ZNF469: variants seen among roughly 807,000 people sequenced by gnomAD.
The protein encoded by ZNF469 is zinc finger protein 469.
ZNF469 carries 1 observed loss-of-function variant against 1.0 expected under a neutral mutation model. The ratio of observed to expected loss-of-function variants is 1.00; its 90% confidence interval spans 0.35 to 4.73. The LOEUF is 4.73. Ranked by LOEUF, ZNF469 falls within the 30% of genes most tolerant of loss-of-function variation. The pLI is 0.16. For missense variants in ZNF469, 6,100 were observed against 5,356.3 expected (o/e 1.14, Z -4.33); for synonymous variants, 2,703 against 2,363.4 (o/e 1.14, Z -4.17).
chr16:88,140,525 C>T, the ZNF469 span, among the ~76,000 whole-genome samples: 11 of 148,924 alleles, frequency 7.4e-5, no homozygotes, highest in East Asian at 1.9e-4. Context: ...GTGAGAGACG[C>T]GATGTTCAAA....
At chr16:88,205,797 T>A in the ZNF469 span, among the ~76,000 whole-genome samples, 1 of 151,624 alleles carries the variant, frequency 6.6e-6, no homozygotes, top group African/African-American at 2.4e-5. This position sits in a 1 kb window ranked among gnomAD's most constrained non-coding sequence, Gnocchi z 4.2. Flanking sequence ...GGGGGGTGAG[T>A]GATGTGTGTG....
At chr16:88,257,330 CT>C in the ZNF469 span, among the ~76,000 whole-genome samples, 40,672 of 151,350 alleles carry the variant, frequency 0.27, 6,585 homozygotes, top group Middle Eastern at 0.45. Context: ...CATTTAAGAT[CT>C]TTGGCCCACT....
chr16:88,313,503 A>T, the ZNF469 span, among the ~76,000 whole-genome samples: 2 of 152,226 alleles, frequency 1.3e-5, no homozygotes, highest in Non-Finnish European at 2.9e-5. Context: ...CTCTGTAATT[A>T]AGACGATGCT....
At chr16:88,327,898 AACCAGAAACGTGAGATTGTCT>A in the ZNF469 span, among the ~76,000 whole-genome samples, 5 of 152,196 alleles carry the variant, frequency 3.3e-5, no homozygotes, top group Non-Finnish European at 7.3e-5. Context: ...GCAGAGCAGA[AACCAGAAACGTGAGATTGTCT>A]ACCAGAAACA....
chr16:88,216,228 G>A, the ZNF469 span, among the ~76,000 whole-genome samples: 3 of 152,250 alleles, frequency 2.0e-5, no homozygotes, highest in African/African-American at 7.2e-5. Flanking sequence ...GGGTGCAGTG[G>A]CTCACGGCTG....
At chr16:88,216,411 G>A in the ZNF469 span, among the ~76,000 whole-genome samples, 11 of 151,378 alleles carry the variant, frequency 7.3e-5, no homozygotes, top group African/African-American at 1.2e-4. Context: ...GGAGAATTGC[G>A]TGAACCCGGG....
the ZNF469 span, among the ~76,000 whole-genome samples, chr16:88,248,901 G>A: frequency 3.9e-5 from 6 of 152,058 alleles, no homozygotes; most frequent in South Asian, 2.1e-4. Flanking sequence ...CTCTGTGTGC[G>A]CACCATGGTC....
chr16:88,309,237 C>G, the ZNF469 span, among the ~76,000 whole-genome samples: 1 of 152,240 alleles, frequency 6.6e-6, no homozygotes, highest in African/African-American at 2.4e-5. Flanking sequence ...GAGGAGTGGG[C>G]TCCGTGGTGG....
chr16:88,280,185 G>A, the ZNF469 span, among the ~76,000 whole-genome samples: 12 of 150,182 alleles, frequency 8.0e-5, no homozygotes, highest in South Asian at 4.2e-4. Flanking sequence ...CCACGCTGAC[G>A]CTTGGTCAGT....
chr16:88,237,203 CTCCTGCCAGTCACCCTCCCTGCCCTCT>C, the ZNF469 span, among the ~76,000 whole-genome samples: 6 of 35,430 alleles, frequency 1.7e-4, no homozygotes, highest in African/African-American at 4.3e-4. Flanking sequence ...GCCCTCTGTG[CTCCTGCCAGTCACCCTCCCTGCCCTCT>C]GTGCTCCTGC....
chr16:88,214,286 C>A, the ZNF469 span, among the ~76,000 whole-genome samples: 2 of 152,188 alleles, frequency 1.3e-5, no homozygotes, highest in Non-Finnish European at 2.9e-5. Flanking sequence ...GCAGTTTGCT[C>A]ACAGCAAGGA....
the ZNF469 span, among the ~76,000 whole-genome samples, chr16:88,330,538 A>T: frequency 3.3e-5 from 5 of 152,190 alleles, no homozygotes; most frequent in African/African-American, 1.2e-4. Flanking sequence ...TTTTCCTGGC[A>T]TGTCTTTGGT....
chr16:88,163,082 T>C, the ZNF469 span, among the ~76,000 whole-genome samples: 1 of 151,362 alleles, frequency 6.6e-6, no homozygotes, highest in African/African-American at 2.4e-5. Flanking sequence ...GATGGGTTGA[T>C]GGATGCATGA....
intron 1 of ZNF469, among the ~76,000 whole-genome samples, chr16:88,416,118 C>T (rs1396688516): frequency 2.0e-5 from 3 of 152,212 alleles, no homozygotes; most frequent in Non-Finnish European, 2.9e-5. Context: ...CACCAGGCGT[C>T]GCAGAAACCC....
the ZNF469 span, among the ~76,000 whole-genome samples, chr16:88,195,965 A>C: frequency 6.6e-6 from 1 of 152,234 alleles, no homozygotes; most frequent in Non-Finnish European, 1.5e-5. Context: ...GGAAACTGGA[A>C]TTATTCTGCC....
chr16:88,269,846 C>T, the ZNF469 span, among the ~76,000 whole-genome samples: 2,487 of 152,242 alleles, frequency 0.016, 42 homozygotes, highest in Admixed American at 0.026. Context: ...CCCACCTTTT[C>T]TGAGTGTGTC....
intron 1 of ZNF469, among the ~76,000 whole-genome samples, chr16:88,398,461 G>A (rs1904757282): frequency 6.6e-6 from 1 of 151,684 alleles, no homozygotes; most frequent in African/African-American, 2.4e-5. Context: ...ATGGTTAAAG[G>A]GGGACCCGTG....
the ZNF469 span, among the ~76,000 whole-genome samples, chr16:88,209,871 C>G: frequency 6.6e-6 from 1 of 152,196 alleles, no homozygotes; most frequent in East Asian, 1.9e-4. Flanking sequence ...AATGAATAAA[C>G]CTGTGCATCT....
chr16:88,219,793 T>C, the ZNF469 span, among the ~76,000 whole-genome samples: 1 of 152,184 alleles, frequency 6.6e-6, no homozygotes, highest in African/African-American at 2.4e-5. Flanking sequence ...TGGGGAAACC[T>C]GGCCAGGTCC....
Sources: gnomAD v4.1 joint callset for allele counts (sites outside exome capture counted in the v4.1 genomes callset) on GRCh38, gnomAD v4.1.1 for gene constraint, Gnocchi (gnomAD v3.1) non-coding constraint, MANE v1.5 for transcripts, NCBI Gene and HGNC (gene_info 2026-07-23, HGNC 2026-07-21) for gene names.